The following ZNF654 variants were observed in gnomAD, a reference collection of about 807,000 sequenced individuals.
ZNF654 encodes melanoma-associated antigen.
Under a neutral mutation model 95.3 loss-of-function variants are expected in ZNF654, and 19 were observed. That is an observed-to-expected ratio of 0.20 (90% CI 0.14 to 0.29). The LOEUF is 0.29. Ranked by LOEUF, ZNF654 falls within the 10% of genes least tolerant of loss-of-function variation. ZNF654 has a pLI of 1.00. For synonymous variants in ZNF654, 413 were observed against 457.9 expected, an observed-to-expected ratio of 0.90 and a Z score of 1.25; for missense variants, 1,046 against 1,341.0, an observed-to-expected ratio of 0.78 and a Z score of 3.44.
At position 88,129,684 on chromosome 3, in the gene ZNF654, C is replaced by T; in HGVS notation, c.754-3C>T. The T allele has an allele frequency of 6.8e-7, 1 of 1,464,796 alleles. No homozygotes were observed. The highest frequency in any genetic ancestry group is 1.3e-5 in the South Asian group (1 of 74,534). 90.7% of individuals were successfully genotyped at this position (1,464,796 alleles called of 1,614,324 possible). A position where few individuals can be genotyped will look rare whatever the true frequency, so the allele number is the denominator to read the frequency against. The stretch of plus-strand genomic sequence containing the variant: ...TGAACTGATTTCTCTTTTCCTCTTA[C>T]AGCATTTATTGAAAACTGATTGTAA... On this transcript the variant is annotated splice_region_variant and splice_polypyrimidine_tract_variant and intron_variant, in intron 5 of 8. Coordinates refer to ENST00000636215, the MANE Select transcript of ZNF654 (RefSeq NM_001350134.2).
chr3:88,113,636 A>G (rs1231118796), intron 3 of ZNF654, among the ~76,000 whole-genome samples: 1 of 152,090 alleles, frequency 6.6e-6, no homozygotes, highest in African/African-American at 2.4e-5. Context: ...GAAGAGAGTA[A>G]ATTCAGATGG....
intron 1 of ZNF654, among the ~76,000 whole-genome samples, chr3:88,060,819 A>G (rs1706834987): frequency 6.6e-6 from 1 of 151,954 alleles, no homozygotes; most frequent in Non-Finnish European, 1.5e-5. Flanking sequence ...TGTAAGGGAA[A>G]GCTTGTAAGA....
At position 88,098,633 on chromosome 3, in the gene ZNF654, A is replaced by G. The variant is rs561623089; in HGVS notation, c.332+12231A>G. 2.3e-4 allele frequency among the ~76,000 whole-genome samples: 35 copies of G among 152,310 alleles called. No individual in the cohort carries two copies. The East Asian group carries it at 5.4e-3, about 24-fold the overall frequency. On this transcript the variant is annotated intron_variant, in intron 2 of 8. Coordinates refer to ENST00000636215, the MANE Select transcript of ZNF654 (RefSeq NM_001350134.2). ...CAGCACAGCAAAAAGCTTATCCACC[A>G]TGATCAAGTGGGCTTCATCCCTGGG... is the stretch of plus-strand genomic sequence containing the variant.
chr3:88,068,073 G>A (rs1473079590), intron 1 of ZNF654, among the ~76,000 whole-genome samples: 2 of 152,144 alleles, frequency 1.3e-5, no homozygotes, highest in Non-Finnish European at 2.9e-5. Context: ...GAGTTTTGTG[G>A]TAGGAGTAAA....
chr3:88,102,139 G>T (rs1236929835), intron 2 of ZNF654, among the ~76,000 whole-genome samples: 1 of 152,010 alleles, frequency 6.6e-6, no homozygotes, highest in South Asian at 2.1e-4. Context: ...TTTATTGCTG[G>T]TTTAAAGAAA....
chr3:88,126,093 C>T, intron 3 of ZNF654, 41 bp from the exon 4 acceptor site: 4 of 1,410,314 alleles, frequency 2.8e-6, no homozygotes, highest in South Asian at 1.6e-5. Flanking sequence ...AGTTTTTAAC[C>T]CCTTTAAATT....
intron 3 of ZNF654, among the ~76,000 whole-genome samples, chr3:88,123,727 A>G (rs1001236938): frequency 8.5e-5 from 13 of 152,184 alleles, no homozygotes; most frequent in African/African-American, 2.9e-4. Context: ...ATCCTTAGAC[A>G]ACTAGAAAGA....
At chr3:88,099,508 C>G (rs995934423) in intron 2 of ZNF654, among the ~76,000 whole-genome samples, 14 of 151,994 alleles carry the variant, frequency 9.2e-5, no homozygotes, top group African/African-American at 3.4e-4. Context: ...AAAAAGAGCC[C>G]GCATTGCCAA....
chr3:88,088,873 A>G (rs1708486072), intron 2 of ZNF654, among the ~76,000 whole-genome samples: 1 of 151,856 alleles, frequency 6.6e-6, no homozygotes, highest in African/African-American at 2.4e-5. Flanking sequence ...CCTGGGTTCA[A>G]GCAATTCTCC....
At chr3:88,065,416 C>T (rs1279145247) in intron 1 of ZNF654, among the ~76,000 whole-genome samples, 1 of 152,014 alleles carries the variant, frequency 6.6e-6, no homozygotes, top group East Asian at 1.9e-4. Context: ...GGAGTTAGTA[C>T]ATATAATGTA....
At chr3:88,104,868 G>C (rs1306416134) in intron 2 of ZNF654, among the ~76,000 whole-genome samples, 1 of 152,258 alleles carries the variant, frequency 6.6e-6, no homozygotes, top group African/African-American at 2.4e-5. Flanking sequence ...TCCAGGCACA[G>C]TGGCTTACGC....
In ZNF654 at chr3:88,098,995, C is replaced by T. The variant is rs557405343; in HGVS notation, c.332+12593C>T. On this transcript the variant is annotated intron_variant, in intron 2 of 8. Transcript: ENST00000636215. ...GGAAGTTCTGGCCGGGGCAATCAGG[C>T]GAGAGAAAGAAATAAAGGGTATTCA... Among the ~76,000 whole-genome samples, 15 of 151,976 alleles carry T rather than the reference C, an allele frequency of 9.9e-5. No individual in the cohort carries two copies. In the South Asian group the frequency reaches 2.1e-3, roughly 21 times the overall value.
chr3:88,136,493 C>T (rs1706791751), intron 7 of ZNF654, among the ~76,000 whole-genome samples: 1 of 152,120 alleles, frequency 6.6e-6, no homozygotes, highest in Non-Finnish European at 1.5e-5. Flanking sequence ...GATGGCATAT[C>T]TAAAAAGGGT....
At chr3:88,121,189 C>T (rs1413671579) in intron 3 of ZNF654, among the ~76,000 whole-genome samples, 5 of 151,968 alleles carry the variant, frequency 3.3e-5, no homozygotes, top group South Asian at 4.1e-4. Flanking sequence ...AAATGCCTTC[C>T]GTGAATTATG....
chr3:88,101,115 G>A (rs1576278963), intron 2 of ZNF654, among the ~76,000 whole-genome samples: 1 of 152,090 alleles, frequency 6.6e-6, no homozygotes, highest in East Asian at 1.9e-4. Flanking sequence ...CTTTTTTTAT[G>A]TAAAGCTTTA....
intron 1 of ZNF654, among the ~76,000 whole-genome samples, chr3:88,079,059 G>A (rs941681544): frequency 2.0e-5 from 3 of 152,018 alleles, no homozygotes; most frequent in African/African-American, 4.8e-5. Context: ...GAGGATTAAC[G>A]TACAGTTATA....
chr3:88,128,688 A>G, intron 4 of ZNF654, 121 bp from the exon 5 acceptor site: 1 of 659,028 alleles, frequency 1.5e-6, no homozygotes, highest in Non-Finnish European at 2.5e-6. Flanking sequence ...CTACTAAGGA[A>G]AATGCTATTT....
In ZNF654 at chr3:88,121,514, G is replaced by A. The variant is rs181333111; in HGVS notation, c.415-4620G>A. 5.0e-3 allele frequency among the ~76,000 whole-genome samples: 760 copies of A among 152,116 alleles called. 19 individuals are homozygous for A. The South Asian group carries it at 0.066, about 13-fold the overall frequency. On this transcript the variant is annotated intron_variant, in intron 3 of 8. Coordinates refer to ENST00000636215, the MANE Select transcript of ZNF654 (RefSeq NM_001350134.2). The stretch of plus-strand genomic sequence containing the variant: ...TGTCCCCTTTATTTTATATGGGCAA[G>A]CTCAGAATGATTAATTTTTGAAAAT...
chr3:88,129,066 CCA>C, intron 5 of ZNF654, 55 bp downstream of exon 5: 1 of 1,250,096 alleles, frequency 8.0e-7, no homozygotes, highest in Non-Finnish European at 1.1e-6. Flanking sequence ...CAAAAAAAAA[CCA>C]AAAAAAAAAA....
Sources: gnomAD v4.1 joint callset for allele counts (sites outside exome capture counted in the v4.1 genomes callset) on GRCh38, gnomAD v4.1.1 for gene constraint, MANE v1.5 for transcripts, NCBI Gene and HGNC (gene_info 2026-07-23, HGNC 2026-07-21) for gene names.